The following KCTD8 variants were observed in gnomAD, a reference collection of about 807,000 sequenced individuals.
The protein encoded by KCTD8 is BTB/POZ domain-containing protein KCTD8.
In KCTD8, 27 loss-of-function variants were observed where a neutral mutation model predicts 31.5. The ratio of observed to expected loss-of-function variants is 0.86; its 90% CI spans 0.63 to 1.18. The LOEUF (loss-of-function observed/expected upper bound fraction) is 1.18. Among genes scored for constraint, KCTD8 ranks in the 50% most tolerant of loss-of-function variants. The probability of loss-of-function intolerance (pLI) is 0.00; values close to 1 mark genes in which losing one functional copy is unlikely to be tolerated. For synonymous variants in KCTD8, 290 were observed against 280.0 expected (o/e 1.04, Z -0.36); for missense variants, 658 against 647.7 (o/e 1.02, Z -0.17).
At chr4:44,181,149 C>G (rs1713371428) in intron 1 of KCTD8, among the ~76,000 whole-genome samples, 2 of 151,088 alleles carry the variant, frequency 1.3e-5, no homozygotes, top group Non-Finnish European at 3.0e-5. Context: ...TACTAGATCC[C>G]TCTCCCTCTC....
At chr4:44,320,170 CAAAAAAAAAAAA>C (rs35250421) in intron 1 of KCTD8, among the ~76,000 whole-genome samples, 646 of 31,926 alleles carry the variant, frequency 0.02, 17 homozygotes, top group African/African-American at 0.079. Flanking sequence ...GCCTCCATCT[CAAAAAAAAAAAA>C]AAAAAAAAAA....
chr4:44,208,933 A>G (rs1392950913), intron 1 of KCTD8, among the ~76,000 whole-genome samples: 1 of 152,210 alleles, frequency 6.6e-6, no homozygotes, highest in Non-Finnish European at 1.5e-5. Context: ...CTAAATCTGT[A>G]GGTAATAAGG....
chr4:44,279,342 C>T (rs902922415), intron 1 of KCTD8, among the ~76,000 whole-genome samples: 2 of 151,960 alleles, frequency 1.3e-5, no homozygotes, highest in African/African-American at 4.8e-5. Context: ...AGACCTGCTT[C>T]CCAGTTCATT....
intron 1 of KCTD8, among the ~76,000 whole-genome samples, chr4:44,202,401 A>C (rs1246138963): frequency 6.6e-6 from 1 of 152,188 alleles, no homozygotes; most frequent in East Asian, 1.9e-4. Context: ...ACGGTGGATT[A>C]GATTTAAATA....
intron 1 of KCTD8, among the ~76,000 whole-genome samples, chr4:44,299,940 A>C (rs751491794): frequency 1.3e-5 from 2 of 151,592 alleles, no homozygotes; most frequent in Non-Finnish European, 2.9e-5. Context: ...TTTAGTAGAG[A>C]CGGGGTTTCG....
chr4:44,422,156 C>T, intron 1 of KCTD8, among the ~76,000 whole-genome samples: 1 of 152,002 alleles, frequency 6.6e-6, no homozygotes. Flanking sequence ...ATGTACTTAC[C>T]AGCCATTTGG....
At chr4:44,367,486 G>T (rs933407433) in intron 1 of KCTD8, among the ~76,000 whole-genome samples, 4 of 152,198 alleles carry the variant, frequency 2.6e-5, no homozygotes, top group Non-Finnish European at 4.4e-5. Context: ...TTTACAACAA[G>T]AAATTATATA....
intron 1 of KCTD8, among the ~76,000 whole-genome samples, chr4:44,313,820 A>T (rs1191585834): frequency 6.6e-6 from 1 of 152,204 alleles, no homozygotes; most frequent in African/African-American, 2.4e-5. Flanking sequence ...TTGTTAACTA[A>T]AAGAGTAAGG....
At chr4:44,209,053 T>G (rs1560395317) in intron 1 of KCTD8, among the ~76,000 whole-genome samples, 1 of 152,162 alleles carries the variant, frequency 6.6e-6, no homozygotes, top group Non-Finnish European at 1.5e-5. Context: ...TGTTTAAGTA[T>G]CCTACTAGAA....
At chr4:44,243,568 G>C (rs1484818107) in intron 1 of KCTD8, among the ~76,000 whole-genome samples, 1 of 152,172 alleles carries the variant, frequency 6.6e-6, no homozygotes, top group East Asian at 1.9e-4. Context: ...CCAGTCATTG[G>C]TCCTTTCACC....
intron 1 of KCTD8, among the ~76,000 whole-genome samples, chr4:44,297,499 T>C (rs1560418728): frequency 6.6e-6 from 1 of 151,784 alleles, no homozygotes; most frequent in South Asian, 2.1e-4. Context: ...CAATGAAATA[T>C]AGTATATGTG....
intron 1 of KCTD8, among the ~76,000 whole-genome samples, chr4:44,179,979 T>G (rs1205774139): frequency 1.3e-5 from 2 of 152,210 alleles, no homozygotes; most frequent in Non-Finnish European, 2.9e-5. Flanking sequence ...AATTTTATAT[T>G]ATTTTATTCA....
chr4:44,338,671 C>A lies in KCTD8; in HGVS notation c.961+108892G>T, dbSNP rs567204984. Among the ~76,000 whole-genome samples, 153 of 152,122 alleles carry A rather than the reference C, an allele frequency of 1.0e-3. 1 individual carries two copies. Among genetic ancestry groups the A allele is most frequent in the Non-Finnish European group, 1.4e-3 (96 of 67,980 alleles). On this transcript the variant is annotated intron_variant, in intron 1 of 1. Coordinates refer to ENST00000360029, the MANE Select transcript of KCTD8 (RefSeq NM_198353.3). ...TTAATGCAACACATAAAAACTTTTA[C>A]AAAATATTATGGAGAAGTTTTCTGA...
chr4:44,311,384 T>C (rs1009087125), intron 1 of KCTD8, among the ~76,000 whole-genome samples: 1 of 152,142 alleles, frequency 6.6e-6, no homozygotes, highest in Admixed American at 6.6e-5. Context: ...ATAATTTTCC[T>C]GTTTACCCAT....
chr4:44,329,043 A>C (rs970591492), intron 1 of KCTD8, among the ~76,000 whole-genome samples: 3 of 152,020 alleles, frequency 2.0e-5, no homozygotes, highest in Admixed American at 2.0e-4. Flanking sequence ...TTTTGGGATC[A>C]TGGTTAGGCA....
chr4:44,355,392 CT>C (rs942543539), intron 1 of KCTD8, among the ~76,000 whole-genome samples: 1 of 152,028 alleles, frequency 6.6e-6, no homozygotes, highest in African/African-American at 2.4e-5. Context: ...GAGCATGTTG[CT>C]TTTTTTCTTT....
intron 1 of KCTD8, among the ~76,000 whole-genome samples, chr4:44,304,684 G>C (rs1257770082): frequency 1.3e-5 from 2 of 152,100 alleles, no homozygotes; most frequent in Non-Finnish European, 2.9e-5. Flanking sequence ...TCATGGTTAG[G>C]AAAGATGAAA....
intron 1 of KCTD8, among the ~76,000 whole-genome samples, chr4:44,424,923 A>G (rs1721308592): frequency 6.6e-6 from 1 of 151,986 alleles, no homozygotes; most frequent in Non-Finnish European, 1.5e-5. Context: ...ATGGGACTGC[A>G]TTTGGAAATA....
chr4:44,446,491 TC>T (rs1721940838), intron 1 of KCTD8, among the ~76,000 whole-genome samples: 1 of 152,102 alleles, frequency 6.6e-6, no homozygotes. Flanking sequence ...TCTTTTCACT[TC>T]ATAAACGCCA....
Sources: allele counts gnomAD v4.1 joint callset (sites outside exome capture counted in the v4.1 genomes callset), GRCh38; gene constraint gnomAD v4.1.1; transcripts MANE v1.5; gene names NCBI Gene and HGNC (gene_info 2026-07-23, HGNC 2026-07-21).